The following ZMYND19 variants were observed in gnomAD, a reference collection of about 807,000 sequenced individuals.
The protein encoded by ZMYND19 is zinc finger MYND-type containing 19.
In ZMYND19, 17 loss-of-function variants were observed where a neutral mutation model predicts 32.0. That is an observed-to-expected ratio of 0.53 (90% CI 0.36 to 0.80). The LOEUF (loss-of-function observed/expected upper bound fraction) is 0.80. Among genes scored for constraint, ZMYND19 ranks in the 30% least tolerant of loss-of-function variants. The pLI, the probability that ZMYND19 is intolerant of heterozygous loss-of-function variation, is 0.00. For synonymous variants in ZMYND19, 124 were observed against 113.6 expected (o/e 1.09, Z -0.58); for missense variants, 250 against 293.6 (o/e 0.85, Z 1.09).
intron 4 of ZMYND19, among the ~76,000 whole-genome samples, chr9:137,583,463 C>T (rs191033771): frequency 2.6e-5 from 4 of 152,366 alleles, no homozygotes; most frequent in South Asian, 2.1e-4. Context: ...CAAAGCGAGG[C>T]GGCCCCTCTC....
At chr9:137,589,386 G>C in intron 1 of ZMYND19, 1 of 985,452 alleles carries the variant, frequency 1.0e-6, no homozygotes, top group African/African-American at 1.7e-5. Flanking sequence ...TTTCTTCTGG[G>C]ATCTGAACCT....
chr9:137,587,904 T>C (rs917041321), intron 2 of ZMYND19, 81 bp from the exon 3 acceptor site: 8 of 1,409,478 alleles, frequency 5.7e-6, no homozygotes, highest in Non-Finnish European at 7.0e-6. Context: ...AAAAACCAAG[T>C]GAAACAAGCA....
chr9:137,582,195 G>A lies in ZMYND19; in HGVS notation c.*348C>T, dbSNP rs1330176188. On this transcript the variant is annotated 3_prime_UTR_variant, in exon 6 of 6. Coordinates refer to ENST00000298585, the MANE Select transcript of ZMYND19 (RefSeq NM_138462.3). ...CGACAACAGGACAGTTTTTAGTCAC[G>A]TGGCCTGACCGTTTGCCATTTAAGG... 3.6e-5 allele frequency: 7 copies of A among 195,686 alleles called. No individual in the cohort carries two copies. Among genetic ancestry groups the A allele is most frequent in the African/African-American group, 1.4e-4 (6 of 42,754 alleles). 12.1% of individuals were successfully genotyped at this position (195,686 alleles called of 1,614,324 possible).
intron 2 of ZMYND19, 114 bp from the exon 3 acceptor site, chr9:137,587,937 C>T: frequency 9.4e-7 from 1 of 1,064,196 alleles, no homozygotes; most frequent in Non-Finnish European, 1.4e-6. Context: ...AAATGCCAGC[C>T]CTGTCCCTGA....
At chr9:137,588,956 G>C (rs1842238606) in intron 1 of ZMYND19, 1 of 515,712 alleles carries the variant, frequency 1.9e-6, no homozygotes, top group Non-Finnish European at 3.5e-6. Flanking sequence ...ACTTTAGTCT[G>C]CGCCAGAGGA....
intron 2 of ZMYND19, 137 bp downstream of exon 2, chr9:137,588,522 A>C (rs1238777539): frequency 1.1e-6 from 1 of 939,756 alleles, no homozygotes; most frequent in East Asian, 2.5e-5. Flanking sequence ...CTGACGGCTC[A>C]GGGCTCACAG....
chr9:137,586,822 G>T, intron 4 of ZMYND19, 145 bp downstream of exon 4: 1 of 1,141,962 alleles, frequency 8.8e-7, no homozygotes, highest in Non-Finnish European at 1.2e-6. Context: ...CCACGCTTTG[G>T]GGAAAAACAA....
intron 4 of ZMYND19, among the ~76,000 whole-genome samples, chr9:137,586,456 G>GGAGAGAAGGAAGGAATCCCGAGGT (rs1564490911): frequency 3.3e-5 from 5 of 150,392 alleles, no homozygotes; most frequent in Admixed American, 2.0e-4. Context: ...CCCGAGGTGA[G>GGAGAGAAGGAAGGAATCCCGAGGT]GAGAGAAGGA....
chr9:137,585,106 A>G (rs1842189616), intron 4 of ZMYND19, among the ~76,000 whole-genome samples: 1 of 152,062 alleles, frequency 6.6e-6, no homozygotes, highest in Non-Finnish European at 1.5e-5. Flanking sequence ...GGTGGTGCAC[A>G]CCCGTAATCC....
chr9:137,583,787 T>A (rs901392166), intron 4 of ZMYND19, among the ~76,000 whole-genome samples: 4 of 152,242 alleles, frequency 2.6e-5, no homozygotes, highest in Non-Finnish European at 2.9e-5. Flanking sequence ...CATGGGAAGA[T>A]GTTGGTGAGG....
intron 1 of ZMYND19, chr9:137,589,631 G>A: frequency 1.0e-6 from 1 of 985,494 alleles, no homozygotes; most frequent in East Asian, 1.1e-4. Context: ...CCCTGAGTCT[G>A]CAGCATCAGG....
At chr9:137,582,844 ACC>A in intron 5 of ZMYND19, 137 bp downstream of exon 5, 2 of 1,503,058 alleles carry the variant, frequency 1.3e-6, no homozygotes, top group Non-Finnish European at 8.9e-7. Context: ...GCAAAGGGAG[ACC>A]ACTCTGGTGG....
At chr9:137,583,321 C>G (rs1368815370) in intron 4 of ZMYND19, among the ~76,000 whole-genome samples, 158 bp from the exon 5 acceptor site, 1 of 152,158 alleles carries the variant, frequency 6.6e-6, no homozygotes, top group East Asian at 1.9e-4. Context: ...CTTTTCACCA[C>G]CTGACAGTAA....
At chr9:137,589,028 A>G (rs72765178) in intron 1 of ZMYND19, 10 of 341,568 alleles carry the variant, frequency 2.9e-5, no homozygotes, top group Non-Finnish European at 4.9e-5. Flanking sequence ...CATTCAACGC[A>G]CCAATAAACC....
rs1268277664 is a variant in ZMYND19, at chr9:137,590,195, G to C, written c.51+18C>G. 5.6e-6 allele frequency: 6 copies of C among 1,077,638 alleles called. No homozygotes were observed. The highest frequency in any genetic ancestry group is 6.8e-6 in the Non-Finnish European group (6 of 884,726). The allele number at this position is 1,077,638 out of a possible 1,614,324, so 66.8% of individuals were successfully genotyped here. A position where few individuals can be genotyped will look rare whatever the true frequency, so the allele number is the denominator to read the frequency against. The stretch of plus-strand genomic sequence containing the variant: ...GGACGGGCGAGACGGGCCGGGTCGC[G>C]GGCTCCGCGCCGCTCACCTTCCCGG... On this transcript the variant is annotated intron_variant, in intron 1 of 5. Transcript: ENST00000298585. The surrounding 1 kb of genome is among the most constrained non-coding windows in gnomAD (Gnocchi z 4.2).
chr9:137,587,094 C>G lies in ZMYND19; in HGVS notation c.232G>C (p.Gly78Arg), dbSNP rs773768404. The G allele has an allele frequency of 4.4e-6, 7 of 1,605,922 alleles. No homozygotes were observed. Among genetic ancestry groups the G allele is most frequent in the Non-Finnish European group, 5.9e-6 (7 of 1,179,966 alleles). ...ACCTGGAAGCCCGGGGCCACGCCCCCCCGGTGCCGCTCCCTAGAAACAGAC... is the reference window on the plus strand; with the variant it reads ...ACCTGGAAGCCCGGGGCCACGCCCCGCCGGTGCCGCTCCCTAGAAACAGAC... ...LHELLWERHR[G>R]GVAPGFQVVH... The change falls in exon 4 of 6, where the codon GGG (glycine) becomes CGG (arginine). Residue 78 changes from glycine (G) to arginine (R), a missense_variant. Physicochemically the swap from Gly to Arg is moderately radical, Grantham distance 125. Coordinates refer to ENST00000298585, the MANE Select transcript of ZMYND19 (RefSeq NM_138462.3).
At chr9:137,588,362 C>T (rs1350716093) in intron 2 of ZMYND19, among the ~76,000 whole-genome samples, 2 of 152,232 alleles carry the variant, frequency 1.3e-5, no homozygotes, top group Non-Finnish European at 2.9e-5. Context: ...GTGACACAAT[C>T]ACAAACATGA....
intron 4 of ZMYND19, among the ~76,000 whole-genome samples, chr9:137,585,122 A>C (rs1480107427): frequency 6.6e-6 from 1 of 152,022 alleles, no homozygotes; most frequent in Admixed American, 6.6e-5. Context: ...AATCCCAGCT[A>C]CTCAAGAGGC....
intron 4 of ZMYND19, among the ~76,000 whole-genome samples, chr9:137,585,386 G>C (rs546709815): frequency 1.2e-3 from 172 of 139,182 alleles, no homozygotes; most frequent in African/African-American, 4.5e-3. Flanking sequence ...CGCTACTCCA[G>C]CCTAGGCAAC....
Sources: gnomAD v4.1 joint callset for allele counts (sites outside exome capture counted in the v4.1 genomes callset) on GRCh38, gnomAD v4.1.1 for gene constraint, Gnocchi (gnomAD v3.1) non-coding constraint, MANE v1.5 for transcripts, NCBI Gene and HGNC (gene_info 2026-07-23, HGNC 2026-07-21) for gene names.